Variants in SH2D4B observed in about 807,000 individuals in gnomAD.
The protein encoded by SH2D4B is SH2 domain-containing protein 4B.
Under a neutral mutation model 61.5 loss-of-function variants are expected in SH2D4B, and 45 were observed. That is an observed-to-expected ratio of 0.73 (90% CI 0.58 to 0.94). SH2D4B has a LOEUF of 0.94. Ranked by LOEUF, SH2D4B falls within the 40% of genes least tolerant of loss-of-function variation. The pLI, the probability that SH2D4B is intolerant of heterozygous loss-of-function variation, is 0.00. For missense variants in SH2D4B, 572 were observed against 574.2 expected (o/e 1.00, Z 0.04); for synonymous variants, 224 against 220.4 (o/e 1.02, Z -0.14).
At position 80,571,442 on chromosome 10, in the gene SH2D4B, A is replaced by G; in HGVS notation, c.359A>G (p.Glu120Gly). The G allele has an allele frequency of 6.2e-7, 1 of 1,613,976 alleles. No individual in the cohort carries two copies. Among genetic ancestry groups the G allele is most frequent in the Middle Eastern group, 1.6e-4 (1 of 6,062 alleles). ...TGCTCTCTTGGTAGGAGACAGAAGG[A>G]GGCAGAGATCACCAAGAAGTTCCGG... ...REAEELWRQK[E>G]AEITKKFRDA... The change falls in exon 3 of 8, where the codon GAG becomes GGG. Residue 120 changes from glutamate to glycine, a missense_variant. Transcript: ENST00000646907.
intron 1 of SH2D4B, among the ~76,000 whole-genome samples, chr10:80,552,000 G>A (rs1452317729): frequency 2.6e-5 from 4 of 152,192 alleles, no homozygotes; most frequent in Non-Finnish European, 5.9e-5. Context: ...TGGAAAGAAA[G>A]TGTGCTAGCT....
chr10:80,543,492 C>T (rs1302826522), intron 1 of SH2D4B, among the ~76,000 whole-genome samples: 1 of 152,210 alleles, frequency 6.6e-6, no homozygotes, highest in Non-Finnish European at 1.5e-5. Flanking sequence ...CCTAAGCCTA[C>T]CCCCTGCCTC....
chr10:80,538,481 G>A lies in SH2D4B; in HGVS notation c.150G>A (p.Gln50=). ...GGGAGACTTGGGAGGCCCTGGCCCAGGACGAGGGTCTCAGGCCTCCAAAGA... is the reference window on the plus strand; with the variant it reads ...GGGAGACTTGGGAGGCCCTGGCCCAAGACGAGGGTCTCAGGCCTCCAAAGA... ...KERETWEALA[Q]DEGLRPPKTK... Residue 50 remains glutamine, a synonymous_variant, in exon 1 of 8, where the codon CAG becomes CAA. Coordinates refer to ENST00000646907, the MANE Select transcript of SH2D4B (RefSeq NM_001388272.1). This position sits in a 1 kb window ranked among gnomAD's most constrained non-coding sequence, Gnocchi z 4.8. 1 of 1,452,186 alleles carries A rather than the reference G, an allele frequency of 6.9e-7. No individual in the cohort carries two copies. Among genetic ancestry groups the A allele is most frequent in the Non-Finnish European group, 9.1e-7 (1 of 1,102,238 alleles). The allele number at this position is 1,452,186 out of a possible 1,614,324, so 90.0% of individuals were successfully genotyped here. A position where few individuals can be genotyped will look rare whatever the true frequency, so the allele number is the denominator to read the frequency against.
chr10:80,560,029 C>T (rs1841884083), intron 1 of SH2D4B, among the ~76,000 whole-genome samples: 2 of 142,452 alleles, frequency 1.4e-5, no homozygotes, highest in South Asian at 4.5e-4. Context: ...GCTCTGTCGA[C>T]CAGGCAGGAG....
chr10:80,554,288 G>A (rs1309808359), intron 1 of SH2D4B, among the ~76,000 whole-genome samples: 1 of 152,186 alleles, frequency 6.6e-6, no homozygotes, highest in Non-Finnish European at 1.5e-5. Flanking sequence ...TGTAGGCACA[G>A]AGGGGGACAT....
Position 80,538,529 on chromosome 10 carries a change from A to G in SH2D4B, c.184+14A>G. 1.5e-6 allele frequency: 2 copies of G among 1,365,002 alleles called. No individual in the cohort carries two copies. The highest frequency in any genetic ancestry group is 2.8e-5 in the East Asian group (1 of 35,996). 84.6% of individuals were successfully genotyped at this position (1,365,002 alleles called of 1,614,324 possible). Reference sequence around the variant, plus strand: ...AGACCAAGCGAGGTACGTGGCTGGGAGTCACAGAGAGGTAGGCCACCAGTC... The same window carrying G: ...AGACCAAGCGAGGTACGTGGCTGGGGGTCACAGAGAGGTAGGCCACCAGTC... On this transcript the variant is annotated intron_variant, in intron 1 of 7. Coordinates refer to ENST00000646907, the MANE Select transcript of SH2D4B (RefSeq NM_001388272.1). The surrounding 1 kb of genome is among the most constrained non-coding windows in gnomAD (Gnocchi z 4.8).
intron 1 of SH2D4B, among the ~76,000 whole-genome samples, chr10:80,564,167 T>C (rs1841939271): frequency 6.6e-6 from 1 of 152,258 alleles, no homozygotes; most frequent in East Asian, 1.9e-4. Context: ...TTCAAATTTA[T>C]CAACATTGCA....
chr10:80,559,806 T>G (rs1841880717), intron 1 of SH2D4B, among the ~76,000 whole-genome samples: 1 of 151,208 alleles, frequency 6.6e-6, no homozygotes, highest in Non-Finnish European at 1.5e-5. Flanking sequence ...TCTGGCTAAT[T>G]TTTTTACATT....
chr10:80,566,116 A>AG (rs1841965227), intron 1 of SH2D4B, among the ~76,000 whole-genome samples: 2 of 148,516 alleles, frequency 1.3e-5, no homozygotes, highest in Admixed American at 1.3e-4. Context: ...AAAAAAAAAA[A>AG]AAGAGTGAAG....
intron 4 of SH2D4B, among the ~76,000 whole-genome samples, chr10:80,595,714 G>C (rs149721408): frequency 1.3e-5 from 2 of 152,338 alleles, no homozygotes; most frequent in East Asian, 3.9e-4. Context: ...CTCCAGCAGT[G>C]TAAGCAGGGG....
chr10:80,550,529 G>A (rs1344006443), intron 1 of SH2D4B, among the ~76,000 whole-genome samples: 2 of 152,090 alleles, frequency 1.3e-5, no homozygotes, highest in Non-Finnish European at 2.9e-5. Flanking sequence ...AGGAGGTGGA[G>A]CTTGCAGTGA....
At chr10:80,590,527 G>T (rs1842313855) in intron 4 of SH2D4B, among the ~76,000 whole-genome samples, 1 of 152,104 alleles carries the variant, frequency 6.6e-6, no homozygotes, top group Admixed American at 6.5e-5. Context: ...ACTTCCAAAG[G>T]CTAGTGACGC....
chr10:80,609,488 G>A lies in SH2D4B; in HGVS notation c.925G>A (p.Glu309Lys), dbSNP rs1332320341. ...TGTCATCGTCCGCTGGTTTAAGGAGGAGCAGCTGCCTCGCCGAGCTGGCTT... is the reference window on the plus strand; with the variant it reads ...TGTCATCGTCCGCTGGTTTAAGGAGAAGCAGCTGCCTCGCCGAGCTGGCTT... ...RDVIVRWFKE[E>K]QLPRRAGFER... The change falls in exon 6 of 8, where the codon GAG (glutamate) becomes AAG (lysine). Residue 309 changes from glutamate to lysine, a missense_variant. Coordinates refer to ENST00000646907, the MANE Select transcript of SH2D4B (RefSeq NM_001388272.1). 1 of 1,614,224 alleles carries A rather than the reference G, an allele frequency of 6.2e-7. No homozygotes were observed. The highest frequency in any genetic ancestry group is 8.5e-7 in the Non-Finnish European group (1 of 1,180,040).
At chr10:80,544,476 C>G (rs968435295) in intron 1 of SH2D4B, among the ~76,000 whole-genome samples, 1 of 152,244 alleles carries the variant, frequency 6.6e-6, no homozygotes, top group Non-Finnish European at 1.5e-5. Context: ...CTCCCACTGC[C>G]CTCATGGAAA....
intron 1 of SH2D4B, among the ~76,000 whole-genome samples, chr10:80,551,933 G>T (rs1475298391): frequency 6.6e-6 from 1 of 152,194 alleles, no homozygotes; most frequent in Non-Finnish European, 1.5e-5. Context: ...ATGGTCAGGG[G>T]TCTGATGAGA....
rs113390301 is a variant in SH2D4B at position 80,627,703 on chromosome 10, T to C, written c.989-6582T>C. On this transcript the variant is annotated intron_variant, in intron 6 of 7. Coordinates refer to ENST00000646907, the MANE Select transcript of SH2D4B (RefSeq NM_001388272.1). ...GTCAGAGCTTCTAGAAGGCAAGAAC[T>C]GTGTCTCATTCACTGCTGACTCCCA... 4.5e-3 allele frequency among the ~76,000 whole-genome samples: 687 copies of C among 151,254 alleles called. 7 individuals carry two copies. Among genetic ancestry groups the C allele is most frequent in the Middle Eastern group, 0.017 (5 of 294 alleles).
chr10:80,540,750 C>T (rs1841566610), intron 1 of SH2D4B: 5 of 1,419,466 alleles, frequency 3.5e-6, no homozygotes, highest in Non-Finnish European at 4.8e-6. Context: ...AGTGCTTGTC[C>T]TGGAGACGGT....
In SH2D4B at chr10:80,628,681, A is replaced by G. The variant is rs144084008; in HGVS notation, c.989-5604A>G. Among the ~76,000 whole-genome samples, 633 of 152,270 alleles carry G rather than the reference A, an allele frequency of 4.2e-3. 3 individuals carry two copies. The highest frequency in any genetic ancestry group is 6.6e-3 in the Non-Finnish European group (448 of 68,024). Reference sequence around the variant, plus strand: ...TTATATTACCTTTGGTTTTGTGCCAAATTGCAATTTTGATTTCTAGGCAAA... The same window carrying G: ...TTATATTACCTTTGGTTTTGTGCCAGATTGCAATTTTGATTTCTAGGCAAA... On this transcript the variant is annotated intron_variant, in intron 6 of 7. Transcript: ENST00000646907.
chr10:80,560,552 A>T (rs1554875765), intron 1 of SH2D4B, among the ~76,000 whole-genome samples: 1 of 150,162 alleles, frequency 6.7e-6, no homozygotes, highest in Non-Finnish European at 1.5e-5. Flanking sequence ...CACCTGGCTA[A>T]TTTTTTTTTA....
Sources: gnomAD v4.1 joint callset for allele counts (sites outside exome capture counted in the v4.1 genomes callset) on GRCh38, gnomAD v4.1.1 for gene constraint, Gnocchi (gnomAD v3.1) non-coding constraint, MANE v1.5 for transcripts, NCBI Gene and HGNC (gene_info 2026-07-23, HGNC 2026-07-21) for gene names.